Variants in CERKL observed in about 807,000 individuals in gnomAD.
CERKL encodes the protein ceramide kinase-like protein.
In CERKL, 61 loss-of-function variants were observed where a neutral mutation model predicts 63.4. The observed-to-expected ratio is 0.96, with a 90% CI of 0.78 to 1.19. The LOEUF (loss-of-function observed/expected upper bound fraction) is 1.19. Ranked by LOEUF, CERKL falls within the 50% of genes most tolerant of loss-of-function variation. CERKL has a pLI of 0.00. For missense variants in CERKL, 675 were observed against 655.5 expected (o/e 1.03, Z -0.33); for synonymous variants, 250 against 230.5 (o/e 1.08, Z -0.77).
chr2:181,612,780 T>C (rs901650029), intron 1 of CERKL, among the ~76,000 whole-genome samples: 1 of 152,136 alleles, frequency 6.6e-6, no homozygotes, highest in Admixed American at 6.5e-5. Flanking sequence ...TACAGTATAA[T>C]TGACCAATGA....
chr2:181,542,995 A>T (rs957466377), intron 11 of CERKL, among the ~76,000 whole-genome samples: 2 of 152,224 alleles, frequency 1.3e-5, no homozygotes, highest in Non-Finnish European at 2.9e-5. Context: ...CAATTTGTGC[A>T]ACATACACCT....
chr2:181,619,389 A>G (rs993399570), intron 1 of CERKL, among the ~76,000 whole-genome samples: 2 of 151,780 alleles, frequency 1.3e-5, no homozygotes, highest in African/African-American at 4.8e-5. Flanking sequence ...GTTCATATAT[A>G]TCATACCAGA....
intron 2 of CERKL, among the ~76,000 whole-genome samples, chr2:181,599,921 C>T (rs2105888674): frequency 6.6e-6 from 1 of 152,022 alleles, no homozygotes. Flanking sequence ...AAGGTCAACA[C>T]CAAAGAAAAA....
chr2:181,590,487 TAAGAG>T (rs1329951500), intron 2 of CERKL, among the ~76,000 whole-genome samples: 5 of 146,756 alleles, frequency 3.4e-5, no homozygotes, highest in East Asian at 1.9e-4. Flanking sequence ...AAAATCGTTA[TAAGAG>T]AAAAGTTATA....
chr2:181,547,676 T>G lies in CERKL; in HGVS notation c.1210A>C (p.Ile404Leu). Reference sequence around the variant, plus strand: ...GAACACAGGCAAGGAATTGCCATAATGCTGACATTCAAGAACTGACCCTGG... The same window carrying G: ...GAACACAGGCAAGGAATTGCCATAAGGCTGACATTCAAGAACTGACCCTGG... The part of the protein sequence containing the change: ...MIQGQFLNVS[I>L]MAIPCLCSVA... The change falls in exon 10 of 13, where the codon ATT becomes CTT. Residue 404 changes from isoleucine (I) to leucine (L), a missense_variant. Transcript: ENST00000410087. 1 of 1,614,078 alleles carries G rather than the reference T, an allele frequency of 6.2e-7. No homozygotes were observed. Among genetic ancestry groups the G allele is most frequent in the Non-Finnish European group, 8.5e-7 (1 of 1,179,970 alleles).
At chr2:181,612,841 T>A (rs760603419) in intron 1 of CERKL, among the ~76,000 whole-genome samples, 12 of 152,130 alleles carry the variant, frequency 7.9e-5, no homozygotes, top group Non-Finnish European at 1.5e-4. Context: ...CACTAAAAAT[T>A]GTATCTATGC....
At position 181,558,621 on chromosome 2, in the gene CERKL, T is replaced by C; in HGVS notation, c.765A>G (p.Thr255=). The C allele has an allele frequency of 6.2e-7, 1 of 1,613,792 alleles. No homozygotes were observed. Among genetic ancestry groups the C allele is most frequent in the Non-Finnish European group, 8.5e-7 (1 of 1,179,836 alleles). ...LRAQKNAGME[T]DRILTPVRAQ... ...CTCTGACAGGAGTCAGGATTCGGTC[T>C]GTTTCCATCCCAGCATTCTTCTGAG... is the stretch of plus-strand genomic sequence containing the variant. The change falls in exon 5 of 13, where the codon ACA becomes ACG. Residue 255 remains threonine (T), a synonymous_variant. Coordinates refer to ENST00000410087, the MANE Select transcript of CERKL (RefSeq NM_201548.5). This position sits in a 1 kb window ranked among gnomAD's most constrained non-coding sequence, Gnocchi z 4.2.
chr2:181,541,774 G>A (rs1687516020), intron 11 of CERKL, among the ~76,000 whole-genome samples: 1 of 152,230 alleles, frequency 6.6e-6, no homozygotes, highest in Admixed American at 6.5e-5. Flanking sequence ...GACTGGTAGT[G>A]AGGAATGAGG....
chr2:181,614,124 T>TC (rs75244731), intron 1 of CERKL, among the ~76,000 whole-genome samples: 33,740 of 151,956 alleles, frequency 0.22, 6,784 homozygotes, highest in African/African-American at 0.54. Flanking sequence ...CTCTGTGGGG[T>TC]CGCAGGCCAC....
chr2:181,628,367 G>A (rs1190923556), intron 1 of CERKL, among the ~76,000 whole-genome samples: 1 of 152,094 alleles, frequency 6.6e-6, no homozygotes, highest in Non-Finnish European at 1.5e-5. Context: ...AAATGGCCTT[G>A]GAATGGAAGA....
intron 1 of CERKL, among the ~76,000 whole-genome samples, chr2:181,642,367 C>T (rs1192037216): frequency 6.6e-6 from 1 of 152,232 alleles, no homozygotes; most frequent in East Asian, 1.9e-4. Context: ...CAGATTAATA[C>T]TTAGAATATA....
rs746107676 is a variant in CERKL at position 181,656,878 on chromosome 2, G to A, written c.129C>T (p.Ala43=). 6 of 1,605,158 alleles carry A rather than the reference G, an allele frequency of 3.7e-6. No individual in the cohort carries two copies. Among genetic ancestry groups the A allele is most frequent in the East Asian group, 2.3e-5 (1 of 44,398 alleles). The change falls in exon 1 of 13, where the codon GCC becomes GCT. Residue 43 remains alanine (A), a synonymous_variant. Coordinates refer to ENST00000410087, the MANE Select transcript of CERKL (RefSeq NM_201548.5). ...AGATGCCCCGGAGCAGAATCCGCTC[G>A]GCCGCCGCCTCCGTCTGCTGCGGGG... ...LTSPQQTEAA[A]ERILLRGIFE...
chr2:181,644,729 A>G (rs1355098786), intron 1 of CERKL, among the ~76,000 whole-genome samples: 1 of 152,210 alleles, frequency 6.6e-6, no homozygotes, highest in Non-Finnish European at 1.5e-5. Flanking sequence ...GTTGCATTCA[A>G]TGTCTCAGTA....
At chr2:181,646,346 CA>C (rs1408094404) in intron 1 of CERKL, among the ~76,000 whole-genome samples, 4 of 152,196 alleles carry the variant, frequency 2.6e-5, no homozygotes, top group Non-Finnish European at 5.9e-5. Context: ...ACATAAGCTA[CA>C]AGCTAATTCT....
At chr2:181,616,464 G>C (rs572005152) in intron 1 of CERKL, among the ~76,000 whole-genome samples, 1 of 151,884 alleles carries the variant, frequency 6.6e-6, no homozygotes, top group African/African-American at 2.4e-5. Flanking sequence ...CGCCTGCCTC[G>C]GCCTCCCAAA....
chr2:181,537,878 G>GAGCAATGGAGCATTACT lies in CERKL; in HGVS notation c.*289_*305dup, dbSNP rs1450540469. The GAGCAATGGAGCATTACT allele has an allele frequency of 1.9e-6, 1 of 539,186 alleles. No homozygotes were observed. The highest frequency in any genetic ancestry group is 3.5e-6 in the Non-Finnish European group (1 of 282,158). The allele number at this position is 539,186 out of a possible 1,614,324, so 33.4% of individuals were successfully genotyped here. On this transcript the variant is annotated 3_prime_UTR_variant, in exon 13 of 13. Coordinates refer to ENST00000410087, the MANE Select transcript of CERKL (RefSeq NM_201548.5). ...CGTTTGGCCACACAGCAGGAGGTTA[G>GAGCAATGGAGCATTACT]AGCAATGGAGCATTACTGAGTTCCT... is the stretch of plus-strand genomic sequence containing the variant.
intron 2 of CERKL, among the ~76,000 whole-genome samples, chr2:181,603,320 G>A (rs1206479387): frequency 6.6e-6 from 1 of 152,052 alleles, no homozygotes; most frequent in African/African-American, 2.4e-5. Context: ...ACAACTCTCA[G>A]GTGAACTAAA....
At chr2:181,555,625 A>T (rs986447748) in intron 5 of CERKL, among the ~76,000 whole-genome samples, 1 of 151,892 alleles carries the variant, frequency 6.6e-6, no homozygotes, top group African/African-American at 2.4e-5. Context: ...CAAAATATGA[A>T]TTTTTTTCAA....
chr2:181,572,276 C>A (rs1357917072), intron 3 of CERKL, among the ~76,000 whole-genome samples: 1 of 152,046 alleles, frequency 6.6e-6, no homozygotes, highest in Non-Finnish European at 1.5e-5. Flanking sequence ...TATGTATACC[C>A]CAGTTATAAT....
Sources: gnomAD v4.1 joint callset for allele counts (sites outside exome capture counted in the v4.1 genomes callset) on GRCh38, gnomAD v4.1.1 for gene constraint, Gnocchi (gnomAD v3.1) non-coding constraint, MANE v1.5 for transcripts, NCBI Gene and HGNC (gene_info 2026-07-23, HGNC 2026-07-21) for gene names.